The following CNMD variants were observed in gnomAD, a reference collection of about 807,000 sequenced individuals.
CNMD encodes leukocyte cell-derived chemotaxin 1.
Under a neutral mutation model 37.5 loss-of-function variants are expected in CNMD, and 30 were observed. The ratio of observed to expected loss-of-function variants is 0.80; its 90% CI spans 0.60 to 1.09. The LOEUF is 1.09. Ranked by LOEUF, CNMD falls within the 50% of genes least tolerant of loss-of-function variation. CNMD has a pLI of 0.00. For synonymous variants in CNMD, 167 were observed against 148.2 expected, an observed-to-expected ratio of 1.13 and a Z score of -0.92; for missense variants, 398 against 423.9, an observed-to-expected ratio of 0.94 and a Z score of 0.54.
intron 3 of CNMD, among the ~76,000 whole-genome samples, chr13:52,727,541 G>A (rs1428650046): frequency 6.6e-6 from 1 of 152,036 alleles, no homozygotes; most frequent in South Asian, 2.1e-4. Flanking sequence ...GTGTGTGCCT[G>A]TAGTCCCAGC....
At chr13:52,717,069 T>G (rs1297433391) in intron 4 of CNMD, among the ~76,000 whole-genome samples, 1 of 152,214 alleles carries the variant, frequency 6.6e-6, no homozygotes, top group Non-Finnish European at 1.5e-5. Context: ...TTCACATCCC[T>G]TGTAAGTTGT....
intron 3 of CNMD, 107 bp from the exon 4 acceptor site, chr13:52,724,217 G>T: frequency 1.3e-6 from 1 of 780,302 alleles, no homozygotes. Flanking sequence ...GGATAGGGAT[G>T]AACAAAAGAG....
intron 6 of CNMD, among the ~76,000 whole-genome samples, chr13:52,706,832 A>G (rs757150151): frequency 1.3e-5 from 2 of 152,110 alleles, no homozygotes; most frequent in Non-Finnish European, 2.9e-5. Context: ...CTGGAGTGGA[A>G]GGGAAACACT....
chr13:52,705,316 C>T (rs548952719), intron 6 of CNMD, among the ~76,000 whole-genome samples: 1 of 152,182 alleles, frequency 6.6e-6, no homozygotes, highest in Admixed American at 6.5e-5. Context: ...ATGTGCCCCC[C>T]AAAATAAGGA....
At chr13:52,728,765 C>T (rs1177901477) in intron 3 of CNMD, among the ~76,000 whole-genome samples, 1 of 152,124 alleles carries the variant, frequency 6.6e-6, no homozygotes, top group Non-Finnish European at 1.5e-5. Context: ...CTGAATGATT[C>T]GCAGCACTGA....
At chr13:52,709,183 A>G (rs7139495) in intron 5 of CNMD, among the ~76,000 whole-genome samples, 53,762 of 151,988 alleles carry the variant, frequency 0.35, 10,347 homozygotes, top group Admixed American at 0.46. Flanking sequence ...CCTTTCTTGA[A>G]CACAGATGTG....
intron 4 of CNMD, among the ~76,000 whole-genome samples, chr13:52,713,877 T>C (rs2138232274): frequency 6.6e-6 from 1 of 152,286 alleles, no homozygotes; most frequent in African/African-American, 2.4e-5. Context: ...ATGCTAAGAA[T>C]GTTAAATAAA....
chr13:52,728,589 T>C (rs951907344), intron 3 of CNMD, among the ~76,000 whole-genome samples: 4 of 152,170 alleles, frequency 2.6e-5, no homozygotes, highest in African/African-American at 9.7e-5. Context: ...TTATTTGGCA[T>C]GTAAATTTAG....
intron 3 of CNMD, among the ~76,000 whole-genome samples, chr13:52,730,260 G>A (rs1402351704): frequency 6.6e-6 from 1 of 151,922 alleles, no homozygotes; most frequent in Non-Finnish European, 1.5e-5. Flanking sequence ...CTTTGCTATC[G>A]TGAATAGTGC....
At position 52,703,546 on chromosome 13, in the gene CNMD, G is replaced by A. The variant is rs774793940; in HGVS notation, c.*49C>T. 1 of 1,329,836 alleles carries A rather than the reference G, an allele frequency of 7.5e-7. No homozygotes were observed. Among genetic ancestry groups the A allele is most frequent in the Non-Finnish European group, 1.1e-6 (1 of 929,694 alleles). The allele number at this position is 1,329,836 out of a possible 1,614,324, so 82.4% of individuals were successfully genotyped here. A position where few individuals can be genotyped will look rare whatever the true frequency, so the allele number is the denominator to read the frequency against. ...AACCTGCCTTAATGCTTCTTTGGTT[G>A]TCTCTTCAGCTAGTTCTTATTTTAC... On this transcript the variant is annotated 3_prime_UTR_variant, in exon 7 of 7. Coordinates refer to ENST00000377962, the MANE Select transcript of CNMD (RefSeq NM_007015.3).
At chr13:52,737,453 C>T (rs34539741) in intron 2 of CNMD, among the ~76,000 whole-genome samples, 12,057 of 152,218 alleles carry the variant, frequency 0.079, 974 homozygotes, top group African/African-American at 0.21. Context: ...ACCAGACAAC[C>T]AACCATCTTG....
At chr13:52,738,509 CAG>C (rs760856248) in intron 2 of CNMD, among the ~76,000 whole-genome samples, 2 of 151,874 alleles carry the variant, frequency 1.3e-5, no homozygotes, top group Non-Finnish European at 2.9e-5. Context: ...TTTTGTTTTC[CAG>C]AGAGAGAAGG....
At chr13:52,704,362 G>C (rs1340693217) in intron 6 of CNMD, among the ~76,000 whole-genome samples, 1 of 152,146 alleles carries the variant, frequency 6.6e-6, no homozygotes, top group Non-Finnish European at 1.5e-5. Context: ...ACAGAATGGG[G>C]ATGTTATCTC....
intron 3 of CNMD, among the ~76,000 whole-genome samples, chr13:52,730,886 A>G (rs572291402): frequency 1.3e-5 from 2 of 152,046 alleles, no homozygotes; most frequent in South Asian, 2.1e-4. Flanking sequence ...ACGGGGTTCT[A>G]CTAAAATCTT....
At chr13:52,732,550 A>G (rs1171346117) in intron 3 of CNMD, among the ~76,000 whole-genome samples, 3 of 152,216 alleles carry the variant, frequency 2.0e-5, no homozygotes, top group Non-Finnish European at 4.4e-5. Context: ...GTCAGAAAAC[A>G]TATGCTATAA....
chr13:52,731,482 A>C (rs1272882588), intron 3 of CNMD, among the ~76,000 whole-genome samples: 2 of 152,310 alleles, frequency 1.3e-5, no homozygotes. Context: ...GGTTCTATCC[A>C]TCAAAAAAAA....
intron 2 of CNMD, among the ~76,000 whole-genome samples, chr13:52,738,550 CCTT>C (rs1399012228): frequency 6.6e-6 from 1 of 152,120 alleles, no homozygotes; most frequent in African/African-American, 2.4e-5. Context: ...CACAAAAAAA[CCTT>C]CTGAAAGGCA....
At chr13:52,719,416 T>C (rs1312092273) in intron 4 of CNMD, among the ~76,000 whole-genome samples, 6 of 152,244 alleles carry the variant, frequency 3.9e-5, no homozygotes, top group Non-Finnish European at 8.8e-5. Flanking sequence ...AGTTTCTTCA[T>C]AGTGTTGATG....
At chr13:52,707,494 C>T (rs1337667103) in intron 6 of CNMD, among the ~76,000 whole-genome samples, 1 of 152,080 alleles carries the variant, frequency 6.6e-6, no homozygotes, top group African/African-American at 2.4e-5. Flanking sequence ...TATCCTCTAA[C>T]TGGACTGAGC....
Sources: allele counts gnomAD v4.1 joint callset (sites outside exome capture counted in the v4.1 genomes callset), GRCh38; gene constraint gnomAD v4.1.1; transcripts MANE v1.5; gene names NCBI Gene and HGNC (gene_info 2026-07-23, HGNC 2026-07-21).